ZNF81: variants seen among roughly 807,000 people sequenced by gnomAD.
ZNF81 encodes the protein zinc finger protein 81 (HFZ20).
In ZNF81, 5 loss-of-function variants were observed where a neutral mutation model predicts 32.3. That is an observed-to-expected ratio of 0.15 (90% CI 0.08 to 0.33). The LOEUF (loss-of-function observed/expected upper bound fraction) is 0.33, where lower values mean the gene tolerates loss of function less well. ZNF81 is among the 10% of genes least tolerant of loss of function. ZNF81 has a pLI of 1.00. For synonymous variants in ZNF81, 163 were observed against 166.8 expected, an observed-to-expected ratio of 0.98 and a Z score of 0.17; for missense variants, 379 against 479.8, an observed-to-expected ratio of 0.79 and a Z score of 1.96.
chrX:47,860,295 C>T (rs2058534716), intron 2 of ZNF81, among the ~76,000 whole-genome samples: 1 of 108,632 alleles, frequency 9.2e-6, no homozygotes, highest in African/African-American at 3.4e-5. Flanking sequence ...CCTGCCTCAG[C>T]CTCCCAAGTA....
At chrX:47,910,408 A>G in intron 4 of ZNF81, among the ~76,000 whole-genome samples, 1 of 111,889 alleles carries the variant, frequency 8.9e-6, no homozygotes, top group Non-Finnish European at 1.9e-5. Context: ...AAACAACCCC[A>G]TCAAAAAGTG....
chrX:47,853,805 C>T (rs781960067), intron 2 of ZNF81, among the ~76,000 whole-genome samples: 1 of 111,733 alleles, frequency 8.9e-6, no homozygotes, highest in East Asian at 2.8e-4. Flanking sequence ...CCACCTTAGC[C>T]TCCCAAAGTG....
chrX:47,845,678 G>C (rs1307053037), intron 1 of ZNF81, among the ~76,000 whole-genome samples: 4 of 111,896 alleles, frequency 3.6e-5, no homozygotes, highest in African/African-American at 1.3e-4. Context: ...ACAACACACA[G>C]ATGAAAGGAT....
At chrX:47,870,733 T>TG (rs1459984144) in intron 2 of ZNF81, among the ~76,000 whole-genome samples, 5 of 112,486 alleles carry the variant, frequency 4.4e-5, no homozygotes, top group African/African-American at 1.6e-4. Flanking sequence ...GTATGTTGAT[T>TG]GGGGAAAACT....
At chrX:47,865,355 A>G (rs782786654) in intron 2 of ZNF81, among the ~76,000 whole-genome samples, 2 of 111,979 alleles carry the variant, frequency 1.8e-5, no homozygotes, top group Non-Finnish European at 3.8e-5. Flanking sequence ...TTCAGTTTCG[A>G]CAAGGGCCCA....
intron 2 of ZNF81, among the ~76,000 whole-genome samples, chrX:47,886,019 T>G (rs1489143679): frequency 8.9e-6 from 1 of 112,744 alleles, no homozygotes; most frequent in East Asian, 2.8e-4. Flanking sequence ...TTTCAGATTG[T>G]ATTTTTCAGT....
intron 2 of ZNF81, among the ~76,000 whole-genome samples, chrX:47,867,916 A>G (rs1421272186): frequency 8.9e-6 from 1 of 111,944 alleles, no homozygotes; most frequent in Non-Finnish European, 1.9e-5. Context: ...CTGTCAATCA[A>G]TAAGTAACAC....
At chrX:47,837,257 G>GC (rs2058428966) in intron 1 of ZNF81, among the ~76,000 whole-genome samples, 1 of 111,795 alleles carries the variant, frequency 8.9e-6, no homozygotes, top group Non-Finnish European at 1.9e-5. Flanking sequence ...CTCTGTAATG[G>GC]ATCTCTAACC....
intron 2 of ZNF81, among the ~76,000 whole-genome samples, chrX:47,859,678 G>A (rs77687139): frequency 1.8e-5 from 2 of 111,905 alleles, no homozygotes; most frequent in South Asian, 3.7e-4. Context: ...GTTAGCCTGC[G>A]ACAGTGTCCT....
chrX:47,855,132 TA>T (rs1187689832), intron 2 of ZNF81, among the ~76,000 whole-genome samples: 14 of 100,595 alleles, frequency 1.4e-4, no homozygotes, highest in African/African-American at 3.9e-4. Flanking sequence ...TAAAGTATAA[TA>T]AAAAAAATTC....
intron 1 of ZNF81, among the ~76,000 whole-genome samples, chrX:47,839,091 G>T (rs1173537310): frequency 2.7e-5 from 3 of 112,256 alleles, no homozygotes; most frequent in African/African-American, 9.7e-5. Flanking sequence ...GGCTTTGTCT[G>T]GTTTTAGTAT....
chrX:47,883,218 T>C (rs782536031), intron 2 of ZNF81, among the ~76,000 whole-genome samples: 2 of 111,737 alleles, frequency 1.8e-5, no homozygotes, highest in Non-Finnish European at 3.8e-5. Context: ...TTGTGTCTGC[T>C]CAAGTATTTT....
At chrX:47,892,752 T>C (rs1405523519) in intron 3 of ZNF81, among the ~76,000 whole-genome samples, 1 of 113,189 alleles carries the variant, frequency 8.8e-6, no homozygotes, top group Non-Finnish European at 1.9e-5. Flanking sequence ...TTTAGATTTG[T>C]CTGCATAAAT....
At chrX:47,855,183 A>T (rs1163320233) in intron 2 of ZNF81, among the ~76,000 whole-genome samples, 19 of 110,131 alleles carry the variant, frequency 1.7e-4, no homozygotes, top group African/African-American at 5.6e-4. Context: ...AATTAATTAA[A>T]TAAAAATAAA....
chrX:47,847,518 G>A (rs193019024), intron 2 of ZNF81, among the ~76,000 whole-genome samples: 2 of 112,223 alleles, frequency 1.8e-5, no homozygotes, highest in African/African-American at 6.5e-5. Context: ...TCTCTTTGAA[G>A]AAATCTCTCC....
At chrX:47,850,590 CCAGGGGCGTTG>C (rs1453333990) in intron 2 of ZNF81, among the ~76,000 whole-genome samples, 2 of 103,766 alleles carry the variant, frequency 1.9e-5, no homozygotes, top group African/African-American at 6.9e-5. Context: ...GCTTCCTTGA[CCAGGGGCGTTG>C]CAGGGAGGGA....
At chrX:47,840,130 T>C (rs1442244217) in intron 1 of ZNF81, among the ~76,000 whole-genome samples, 3 of 45,139 alleles carry the variant, frequency 6.6e-5, no homozygotes, top group East Asian at 1.2e-3. Context: ...TCTCTCTCTT[T>C]TTTTTTTTTT....
chrX:47,902,597 T>A (rs1321750869), intron 4 of ZNF81, among the ~76,000 whole-genome samples: 1 of 112,747 alleles, frequency 8.9e-6, no homozygotes, highest in East Asian at 2.8e-4. Context: ...AGTCATAGAC[T>A]GTATGTTCTC....
chrX:47,892,173 C>G lies in ZNF81; in HGVS notation c.182-3672C>G, dbSNP rs782674120. Among the ~76,000 whole-genome samples the G allele has an allele frequency of 7.1e-5, 8 of 111,999 alleles. No individual in the cohort carries two copies. The South Asian group carries it at 3.0e-3, about 42-fold the overall frequency. On this transcript the variant is annotated intron_variant, in intron 3 of 4. Coordinates refer to ENST00000338637, the MANE Select transcript of ZNF81 (RefSeq NM_007137.5). ...GTGCCATAGGTCTCTGTGAATCAGA[C>G]TATTCTGATTGTTGCTTTGACTCTG... is the stretch of plus-strand genomic sequence containing the variant.
Sources: gnomAD v4.1 joint callset for allele counts (sites outside exome capture counted in the v4.1 genomes callset) on GRCh38, gnomAD v4.1.1 for gene constraint, MANE v1.5 for transcripts, NCBI Gene and HGNC (gene_info 2026-07-23, HGNC 2026-07-21) for gene names.